TCF7L2: variants seen among roughly 807,000 people sequenced by gnomAD.
TCF7L2 encodes the protein transcription factor 7 like 2.
In TCF7L2, 23 loss-of-function variants were observed where a neutral mutation model predicts 77.9. The observed-to-expected ratio is 0.30, with a 90% CI of 0.21 to 0.42. TCF7L2 has a LOEUF of 0.42. Ranked by LOEUF, TCF7L2 falls within the 10% of genes least tolerant of loss-of-function variation. The pLI is 1.00. For missense variants in TCF7L2, 654 were observed against 793.1 expected (o/e 0.82, Z 2.11); for synonymous variants, 413 against 340.2 (o/e 1.21, Z -2.36).
intron 5 of TCF7L2, among the ~76,000 whole-genome samples, chr10:113,062,390 C>T (rs1034969540): frequency 1.3e-5 from 2 of 152,154 alleles, no homozygotes; most frequent in Non-Finnish European, 2.9e-5. Flanking sequence ...ATGTTCGCTA[C>T]GAGGAAATGG....
At chr10:113,011,988 A>C (rs547781200) in intron 4 of TCF7L2, among the ~76,000 whole-genome samples, 1 of 151,898 alleles carries the variant, frequency 6.6e-6, no homozygotes, top group Non-Finnish European at 1.5e-5. Context: ...TTACCGCCTC[A>C]AGTATTGCTC....
At chr10:113,068,261 A>C (rs2057509957) in intron 5 of TCF7L2, among the ~76,000 whole-genome samples, 1 of 152,188 alleles carries the variant, frequency 6.6e-6, no homozygotes, top group Admixed American at 6.5e-5. Flanking sequence ...AAATAGAACA[A>C]CTTTTTGGAC....
intron 5 of TCF7L2, among the ~76,000 whole-genome samples, chr10:113,092,511 T>C (rs1356048964): frequency 6.6e-6 from 1 of 152,216 alleles, no homozygotes; most frequent in African/African-American, 2.4e-5. Context: ...CAGTCGCTGC[T>C]GGAGTAGCTC....
At chr10:113,036,123 AT>A (rs1429920460) in intron 4 of TCF7L2, among the ~76,000 whole-genome samples, 9 of 58,558 alleles carry the variant, frequency 1.5e-4, no homozygotes, top group African/African-American at 7.9e-4. Flanking sequence ...CACCATCATC[AT>A]CATCATCATC....
At chr10:113,034,596 A>G (rs905310390) in intron 4 of TCF7L2, among the ~76,000 whole-genome samples, 1 of 152,188 alleles carries the variant, frequency 6.6e-6, no homozygotes, top group African/African-American at 2.4e-5. Context: ...GAGGATAGTA[A>G]CCAATTAATT....
At chr10:113,015,969 G>A (rs1044623017) in intron 4 of TCF7L2, among the ~76,000 whole-genome samples, 6 of 152,290 alleles carry the variant, frequency 3.9e-5, no homozygotes, top group Non-Finnish European at 5.9e-5. Context: ...GGGGTCTGGG[G>A]TTAAGACCAT....
At chr10:112,985,860 TTGTG>T (rs61481377) in intron 4 of TCF7L2, among the ~76,000 whole-genome samples, 2,381 of 146,604 alleles carry the variant, frequency 0.016, 31 homozygotes, top group African/African-American at 0.039. Flanking sequence ...AGCCTGTAGT[TTGTG>T]TGTGTGTGTG....
chr10:113,097,669 A>C (rs191322307), intron 5 of TCF7L2, among the ~76,000 whole-genome samples: 4 of 123,044 alleles, frequency 3.3e-5, no homozygotes, highest in African/African-American at 1.1e-4. Flanking sequence ...AAAAAAAAAA[A>C]AAAAACAACC....
intron 5 of TCF7L2, among the ~76,000 whole-genome samples, chr10:113,131,055 C>T (rs1040178259): frequency 1.3e-5 from 2 of 152,128 alleles, no homozygotes; most frequent in East Asian, 1.9e-4. Flanking sequence ...CGTGAGCCAC[C>T]GTGCCCGGCC....
intron 5 of TCF7L2, among the ~76,000 whole-genome samples, chr10:113,139,737 TTAAAAGACAC>T: frequency 6.6e-6 from 1 of 152,038 alleles, no homozygotes; most frequent in East Asian, 1.9e-4. Context: ...AAAGCACTTT[TTAAAAGACAC>T]TTTCCCCTCA....
rs976396230 is a variant in TCF7L2, at chr10:112,972,247, C to T, written c.450+7623C>T. ...ATTTTGAATGAGAAATTGGACTGCC[C>T]TTATGTTCCAGTGAGTTTTTGAGGC... On this transcript the variant is annotated intron_variant, in intron 4 of 13. Coordinates refer to ENST00000627217, the MANE Select transcript of TCF7L2 (RefSeq NM_001146274.2). Among the ~76,000 whole-genome samples, 5 of 152,096 alleles carry T rather than the reference C, an allele frequency of 3.3e-5. No homozygotes were observed. In the East Asian group the frequency reaches 5.8e-4, roughly 18 times the overall value.
intron 4 of TCF7L2, among the ~76,000 whole-genome samples, chr10:112,993,978 C>G (rs2043038049): frequency 6.6e-6 from 1 of 151,638 alleles, no homozygotes; most frequent in Non-Finnish European, 1.5e-5. Flanking sequence ...TCACTTGAAC[C>G]TGAGAGGCAG....
At chr10:113,130,043 A>T (rs2066322799) in intron 5 of TCF7L2, 1 of 1,169,172 alleles carries the variant, frequency 8.6e-7, no homozygotes, top group South Asian at 1.6e-5. Context: ...GTTCGTGTCC[A>T]TGCTTATGGT....
At chr10:112,959,093 C>T (rs1156925302) in intron 3 of TCF7L2, among the ~76,000 whole-genome samples, 1 of 151,980 alleles carries the variant, frequency 6.6e-6, no homozygotes, top group South Asian at 2.1e-4. Flanking sequence ...TATGTTTTGA[C>T]GTTGAAAGAA....
chr10:113,092,995 A>G (rs1478034996), intron 5 of TCF7L2, among the ~76,000 whole-genome samples: 1 of 152,186 alleles, frequency 6.6e-6, no homozygotes, highest in Non-Finnish European at 1.5e-5. Context: ...GTCAGAACTA[A>G]GTTTGAGTCC....
At chr10:113,129,299 T>C (rs1326157328) in intron 5 of TCF7L2, 15 of 986,020 alleles carry the variant, frequency 1.5e-5, no homozygotes, top group African/African-American at 1.7e-5. Context: ...CTGCACTCGG[T>C]TGATCATTTT....
At chr10:113,072,882 G>A (rs969361927) in intron 5 of TCF7L2, among the ~76,000 whole-genome samples, 1 of 152,198 alleles carries the variant, frequency 6.6e-6, no homozygotes, top group Non-Finnish European at 1.5e-5. Flanking sequence ...CATACATCAT[G>A]ATTGTGATGG....
At chr10:113,026,493 A>G (rs1183197994) in intron 4 of TCF7L2, among the ~76,000 whole-genome samples, 1 of 151,882 alleles carries the variant, frequency 6.6e-6, no homozygotes, top group Non-Finnish European at 1.5e-5. Context: ...CTTTTTCTAG[A>G]CCCTTCTGTC....
At position 113,032,709 on chromosome 10, in the gene TCF7L2, C is replaced by T. The variant is rs148143144; in HGVS notation, c.451-7316C>T. On this transcript the variant is annotated intron_variant, in intron 4 of 13. Transcript: ENST00000627217. ...GAGACCTAGATGCTTGACTGCCACT[C>T]GCTCCTGTCACCTCAGTCAATCTGG... Among the ~76,000 whole-genome samples the T allele has an allele frequency of 2.0e-3, 306 of 152,282 alleles. 3 individuals are homozygous for T. Among genetic ancestry groups the T allele is most frequent in the African/African-American group, 6.5e-3 (269 of 41,550 alleles).
Sources: allele counts gnomAD v4.1 joint callset (sites outside exome capture counted in the v4.1 genomes callset), GRCh38; gene constraint gnomAD v4.1.1; transcripts MANE v1.5; gene names NCBI Gene and HGNC (gene_info 2026-07-23, HGNC 2026-07-21).